GNAI3: variants seen among roughly 807,000 people sequenced by gnomAD.
The protein encoded by GNAI3 is G protein subunit alpha i3, also known as guanine nucleotide-binding protein G(i) subunit alpha-3.
A neutral mutation model predicts 41.8 loss-of-function variants in GNAI3; 12 were observed. The ratio of observed to expected loss-of-function variants is 0.29; its 90% CI spans 0.18 to 0.47. The LOEUF (loss-of-function observed/expected upper bound fraction) is 0.47. GNAI3 is among the 20% of genes least tolerant of loss of function. The pLI, the probability that GNAI3 is intolerant of heterozygous loss-of-function variation, is 1.00. For synonymous variants in GNAI3, 132 were observed against 146.5 expected (o/e 0.90, Z 0.71); for missense variants, 360 against 429.6 (o/e 0.84, Z 1.43).
intron 1 of GNAI3, among the ~76,000 whole-genome samples, chr1:109,567,855 A>G (rs1191164431): frequency 6.6e-6 from 1 of 152,226 alleles, no homozygotes; most frequent in Non-Finnish European, 1.5e-5. Flanking sequence ...TCAGATGAGG[A>G]AATTCATTGT....
At chr1:109,572,367 A>G (rs1344511122) in intron 1 of GNAI3, among the ~76,000 whole-genome samples, 2 of 152,224 alleles carry the variant, frequency 1.3e-5, no homozygotes, top group Admixed American at 1.3e-4. Context: ...GGAGTGAAGT[A>G]GGAATCAAAC....
chr1:109,548,898 C>G (rs527428366), intron 1 of GNAI3, 60 bp downstream of exon 1: 103 of 1,132,042 alleles, frequency 9.1e-5, no homozygotes, highest in Non-Finnish European at 1.3e-4. Context: ...CTTGGAAGGC[C>G]TGAACGGGGT....
At chr1:109,591,583 T>G in intron 7 of GNAI3, 1 of 586,714 alleles carries the variant, frequency 1.7e-6, no homozygotes, top group South Asian at 1.8e-5. Flanking sequence ...GCGCGGGGAC[T>G]GTGCTAATCT....
intron 1 of GNAI3, among the ~76,000 whole-genome samples, chr1:109,572,989 T>C (rs952660303): frequency 7.2e-5 from 11 of 152,190 alleles, no homozygotes; most frequent in African/African-American, 2.7e-4. Flanking sequence ...TTCTGATTGC[T>C]TTAATTTTTA....
At position 109,548,798 on chromosome 1, in the gene GNAI3, C is replaced by T. The variant is rs756797788; in HGVS notation, c.78C>T (p.Asp26=). 1 of 1,612,258 alleles carries T rather than the reference C, an allele frequency of 6.2e-7. No individual in the cohort carries two copies. The highest frequency in any genetic ancestry group is 1.1e-5 in the South Asian group (1 of 90,704). The change falls in exon 1 of 9, where the codon GAC becomes GAT. Residue 26 remains aspartate (D), a synonymous_variant. Transcript: ENST00000369851. ...TGATCGACCGCAACTTACGGGAGGA[C>T]GGGGAAAAAGCGGCCAAAGAAGTGA... The part of the protein sequence containing the change: ...SKMIDRNLRE[D]GEKAAKEVKL...
Position 109,593,013 on chromosome 1 carries a change from C to T in GNAI3, c.*691C>T, listed in dbSNP as rs1649207968. On this transcript the variant is annotated 3_prime_UTR_variant, in exon 9 of 9. Coordinates refer to ENST00000369851, the MANE Select transcript of GNAI3 (RefSeq NM_006496.4). ...TTCTGCAATAAGATTCTAGTTCTCTCTTTTCTTTAAGCTTATGGTTGAAGG... is the reference window on the plus strand; with the variant it reads ...TTCTGCAATAAGATTCTAGTTCTCTTTTTTCTTTAAGCTTATGGTTGAAGG... 6.6e-6 allele frequency: 1 copy of T among 152,570 alleles called. No homozygotes were observed. Among genetic ancestry groups the T allele is most frequent in the African/African-American group, 2.4e-5 (1 of 41,412 alleles). The allele number at this position is 152,570 out of a possible 1,614,324, so 9.5% of individuals were successfully genotyped here.
At chr1:109,582,601 A>G (rs2101107304) in intron 5 of GNAI3, 36 bp downstream of exon 5, 2 of 1,499,980 alleles carry the variant, frequency 1.3e-6, no homozygotes, top group South Asian at 1.1e-5. Context: ...TGTGCCAAAT[A>G]CAAGTATCTT....
At chr1:109,582,060 T>G (rs889359280) in intron 4 of GNAI3, among the ~76,000 whole-genome samples, 1 of 152,174 alleles carries the variant, frequency 6.6e-6, no homozygotes, top group Non-Finnish European at 1.5e-5. Context: ...AGTGGCACTC[T>G]GCAGCCTTGA....
At chr1:109,581,952 A>G (rs1163298238) in intron 4 of GNAI3, among the ~76,000 whole-genome samples, 1 of 152,050 alleles carries the variant, frequency 6.6e-6, no homozygotes, top group Non-Finnish European at 1.5e-5. Flanking sequence ...TATAGACTCT[A>G]TACTTTAATT....
At chr1:109,550,494 C>T (rs796081465) in intron 1 of GNAI3, among the ~76,000 whole-genome samples, 1 of 151,980 alleles carries the variant, frequency 6.6e-6, no homozygotes, top group African/African-American at 2.4e-5. Context: ...GTCCTTGGGG[C>T]CTTTGAGAAA....
chr1:109,567,680 C>G (rs1454983716), intron 1 of GNAI3, among the ~76,000 whole-genome samples: 3 of 152,296 alleles, frequency 2.0e-5, no homozygotes, highest in African/African-American at 7.2e-5. Context: ...GAACCAACAT[C>G]AGTATCCAAG....
Position 109,556,241 on chromosome 1 carries a change from G to A in GNAI3, c.118+7403G>A, listed in dbSNP as rs556912304. Among the ~76,000 whole-genome samples the A allele has an allele frequency of 2.0e-5, 3 of 151,978 alleles. No homozygotes were observed. The East Asian group carries it at 5.8e-4, about 29-fold the overall frequency. On this transcript the variant is annotated intron_variant, in intron 1 of 8. Coordinates refer to ENST00000369851, the MANE Select transcript of GNAI3 (RefSeq NM_006496.4). Reference sequence around the variant, plus strand: ...TAATTTTTTGTAGAGATGGGGTTTTGCCATATTGCCCAGGCTGGCCTTGAA... The same window carrying A: ...TAATTTTTTGTAGAGATGGGGTTTTACCATATTGCCCAGGCTGGCCTTGAA...
At chr1:109,552,485 G>T (rs534529230) in intron 1 of GNAI3, among the ~76,000 whole-genome samples, 1 of 152,120 alleles carries the variant, frequency 6.6e-6, no homozygotes, top group East Asian at 1.9e-4. Context: ...TGTTGCCCAG[G>T]CTGGTCTCAA....
Position 109,586,812 on chromosome 1 carries a change from T to G in GNAI3, c.804T>G (p.Leu268=). ...CAGAAACTTCAATCATTCTCTTCCT[T>G]AACAAGAAAGACCTTTTTGAGGAAA... ...WFTETSIILF[L]NKKDLFEEKI... is the part of the protein sequence containing the mutation. Residue 268 remains leucine, a synonymous_variant, in exon 7 of 9, where the codon CTT becomes CTG. Transcript: ENST00000369851. 1.3e-6 allele frequency: 2 copies of G among 1,596,882 alleles called. No homozygotes were observed. The highest frequency in any genetic ancestry group is 3.3e-5 in the Admixed American group (2 of 59,902).
intron 7 of GNAI3, chr1:109,591,736 CTTTCCTAG>C (rs1649177406): frequency 2.8e-6 from 1 of 363,554 alleles, no homozygotes; most frequent in African/African-American, 2.1e-5. Flanking sequence ...CACCTTCCTA[CTTTCCTAG>C]TTTCCTTTTA....
intron 1 of GNAI3, among the ~76,000 whole-genome samples, chr1:109,564,345 GT>G (rs141860969): frequency 4.7e-5 from 7 of 149,464 alleles, no homozygotes; most frequent in African/African-American, 9.8e-5. Context: ...CCATCCGTTT[GT>G]TTTTTTTTGT....
At chr1:109,577,956 C>T (rs1487948424) in intron 3 of GNAI3, among the ~76,000 whole-genome samples, 3 of 152,006 alleles carry the variant, frequency 2.0e-5, no homozygotes, top group Admixed American at 6.6e-5. Flanking sequence ...TTTCTTTACA[C>T]GTTATATACT....
rs148739660 is a variant in GNAI3 at position 109,570,258 on chromosome 1, A to G, written c.119-3479A>G. On this transcript the variant is annotated intron_variant, in intron 1 of 8. Coordinates refer to ENST00000369851, the MANE Select transcript of GNAI3 (RefSeq NM_006496.4). ...GTACCTTTTGATTCTGTAAGAATGT[A>G]GTTGTCTAGAATTTTTATATTTGGA... 6.5e-3 allele frequency among the ~76,000 whole-genome samples: 996 copies of G among 152,330 alleles called. 12 individuals are homozygous for G. Among genetic ancestry groups the G allele is most frequent in the South Asian group, 0.05 (243 of 4,830 alleles).
chr1:109,558,822 T>A (rs1022280246), intron 1 of GNAI3, among the ~76,000 whole-genome samples: 3 of 152,102 alleles, frequency 2.0e-5, no homozygotes, highest in African/African-American at 7.2e-5. Context: ...TTTAGTTTAG[T>A]TTTATGGCAG....
Sources: allele counts gnomAD v4.1 joint callset (sites outside exome capture counted in the v4.1 genomes callset), GRCh38; gene constraint gnomAD v4.1.1; transcripts MANE v1.5; gene names NCBI Gene and HGNC (gene_info 2026-07-23, HGNC 2026-07-21).